Variants in LRP1 observed in about 807,000 individuals in gnomAD.
LRP1 encodes the protein prolow-density lipoprotein receptor-related protein 1.
In LRP1, 51 loss-of-function variants were observed where a neutral mutation model predicts 541.5. The observed-to-expected ratio is 0.09, with a 90% CI of 0.08 to 0.12. The LOEUF (loss-of-function observed/expected upper bound fraction) is 0.12. Among genes scored for constraint, LRP1 ranks in the 10% least tolerant of loss-of-function variants. The pLI is 1.00. For synonymous variants in LRP1, 2,219 were observed against 2,470.8 expected, an observed-to-expected ratio of 0.90 and a Z score of 3.02; for missense variants, 3,878 against 6,376.2, an observed-to-expected ratio of 0.61 and a Z score of 13.34.
rs34010163 is a variant in LRP1, at chr12:57,177,947, C to CTTTT, written c.4361+372_4361+375dup. Reference sequence around the variant, plus strand: ...CCCAGGGAGGGTGCCTTTTTCTTTTCTTTTTTTTTTTTTTTTTTTGAGACA... The same window carrying CTTTT: ...CCCAGGGAGGGTGCCTTTTTCTTTTCTTTTTTTTTTTTTTTTTTTTTTTGAGACA... On this transcript the variant is annotated intron_variant, in intron 26 of 88. Coordinates refer to ENST00000243077, the MANE Select transcript of LRP1 (RefSeq NM_002332.3). This position sits in a 1 kb window ranked among gnomAD's most constrained non-coding sequence, Gnocchi z 6.8. Among the ~76,000 whole-genome samples the CTTTT allele has an allele frequency of 8.2e-5, 10 of 121,368 alleles. No individual in the cohort carries two copies. Among genetic ancestry groups the CTTTT allele is most frequent in the East Asian group, 2.4e-4 (1 of 4,214 alleles). 79.6% of individuals were successfully genotyped at this position (121,368 alleles called of 152,430 possible).
At position 57,212,153 on chromosome 12, in the gene LRP1, G is replaced by A; in HGVS notation, c.13386G>A (p.Gly4462=). The A allele has an allele frequency of 6.2e-7, 1 of 1,614,012 alleles. No individual in the cohort carries two copies. Among genetic ancestry groups the A allele is most frequent in the Non-Finnish European group, 8.5e-7 (1 of 1,180,012 alleles). Residue 4462 remains glycine (G), a synonymous_variant, in exon 88 of 89, where the codon GGG becomes GGA. Coordinates refer to ENST00000243077, the MANE Select transcript of LRP1 (RefSeq NM_002332.3). The surrounding 1 kb of genome is among the most constrained non-coding windows in gnomAD (Gnocchi z 5.0). The part of the protein sequence containing the change: ...KGFQHQRMTN[G]AMNVEIGNPT... Reference sequence around the variant, plus strand: ...TCCAGCACCAACGGATGACCAACGGGGCCATGAACGTGGAGATTGGAAACC... The same window carrying A: ...TCCAGCACCAACGGATGACCAACGGAGCCATGAACGTGGAGATTGGAAACC...
intron 1 of LRP1, among the ~76,000 whole-genome samples, chr12:57,134,828 C>T: frequency 6.6e-6 from 1 of 152,198 alleles, no homozygotes; most frequent in East Asian, 1.9e-4. Flanking sequence ...GCCTCAGCCT[C>T]CTGAGTAGCT....
chr12:57,137,452 A>G (rs1325083377), intron 1 of LRP1, among the ~76,000 whole-genome samples: 1 of 152,010 alleles, frequency 6.6e-6, no homozygotes, highest in Non-Finnish European at 1.5e-5. Flanking sequence ...CTGCTCCCCA[A>G]TTCTGATATC....
At chr12:57,193,064 A>C in intron 45 of LRP1, 94 bp downstream of exon 45, 1 of 1,586,750 alleles carries the variant, frequency 6.3e-7, no homozygotes, top group Non-Finnish European at 8.6e-7. Context: ...CAGCCCCCCA[A>C]AGCCTTTTGC....
intron 16 of LRP1, 52 bp from the exon 17 acceptor site, chr12:57,166,032 G>A: frequency 6.2e-7 from 1 of 1,613,380 alleles, no homozygotes; most frequent in African/African-American, 1.3e-5. Context: ...GAGCGGGCAG[G>A]AAGCTGGGGG....
In LRP1 at chr12:57,179,270, G is replaced by A. The variant is rs192448791; in HGVS notation, c.4739-59G>A. On this transcript the variant is annotated intron_variant, in intron 28 of 88. Transcript: ENST00000243077. The surrounding 1 kb of genome is among the most constrained non-coding windows in gnomAD (Gnocchi z 6.8). ...CCAGAAGAAGGCAGGGCCTGAAACC[G>A]GATTGGTGGGAAGCACAGAGGCAGG... The A allele has an allele frequency of 7.0e-5, 98 of 1,390,828 alleles. No individual in the cohort carries two copies. Among genetic ancestry groups the A allele is most frequent in the East Asian group, 2.8e-4 (12 of 42,338 alleles). 86.2% of individuals were successfully genotyped at this position (1,390,828 alleles called of 1,614,324 possible).
chr12:57,144,786 T>C, intron 4 of LRP1, 186 bp from the exon 5 acceptor site: 1 of 628,974 alleles, frequency 1.6e-6, no homozygotes, highest in South Asian at 1.8e-5. Flanking sequence ...AGTGTTTCTC[T>C]AGAGTGGATT....
chr12:57,179,988 G>A lies in LRP1; in HGVS notation c.5141+32G>A. 2 of 1,613,932 alleles carry A rather than the reference G, an allele frequency of 1.2e-6. No homozygotes were observed. Among genetic ancestry groups the A allele is most frequent in the Non-Finnish European group, 1.7e-6 (2 of 1,179,924 alleles). On this transcript the variant is annotated intron_variant, in intron 30 of 88. Transcript: ENST00000243077. The surrounding 1 kb of genome is among the most constrained non-coding windows in gnomAD (Gnocchi z 6.8). ...CTAGGGCCCAGGGCCGGGGAGCATG[G>A]GGTGTGGGGCTGGGAAGAAGAGGAC...
chr12:57,143,680 G>T lies in LRP1; in HGVS notation c.330G>T (p.Glu110Asp). Reference protein sequence around the residue: ...DGSDEGPHCRELQGNCSRLGC... With the variant: ...DGSDEGPHCRDLQGNCSRLGC... ...TGTGTCTCTCCTGCCCCCACACAGA[G>T]CTCCAAGGCAACTGCTCTCGCCTGG... Residue 110 changes from glutamate to aspartate, a missense_variant and splice_region_variant, in exon 4 of 89, where the codon GAG (glutamate) becomes GAT (aspartate). Transcript: ENST00000243077. 6.2e-7 allele frequency: 1 copy of T among 1,613,262 alleles called. No individual in the cohort carries two copies. Among genetic ancestry groups the T allele is most frequent in the South Asian group, 1.1e-5 (1 of 91,006 alleles).
rs1400042355 is a variant in LRP1, at chr12:57,165,639, T to A, written c.2531-166T>A. Reference sequence around the variant, plus strand: ...TCACTATTGTTGCTTGGGAAAGAATTGCAGTTTCCATCCAGATAATTTGTT... The same window carrying A: ...TCACTATTGTTGCTTGGGAAAGAATAGCAGTTTCCATCCAGATAATTTGTT... On this transcript the variant is annotated intron_variant, in intron 15 of 88. Transcript: ENST00000243077. This position sits in a 1 kb window ranked among gnomAD's most constrained non-coding sequence, Gnocchi z 4.5. 1 of 643,314 alleles carries A rather than the reference T, an allele frequency of 1.6e-6. No homozygotes were observed. The highest frequency in any genetic ancestry group is 2.7e-6 in the Non-Finnish European group (1 of 376,398). 39.9% of individuals were successfully genotyped at this position (643,314 alleles called of 1,614,324 possible).
At chr12:57,193,350 A>G (rs1264975743) in intron 46 of LRP1, 46 bp downstream of exon 46, 2 of 1,601,082 alleles carry the variant, frequency 1.2e-6, no homozygotes, top group Admixed American at 3.3e-5. Context: ...CCCAGAGCCC[A>G]GGTCCTCCTC....
chr12:57,171,575 A>T (rs2035944440), intron 20 of LRP1, among the ~76,000 whole-genome samples: 1 of 152,068 alleles, frequency 6.6e-6, no homozygotes, highest in Non-Finnish European at 1.5e-5. Flanking sequence ...GGCACTGGGA[A>T]CCTTTGAAGG....
At chr12:57,186,820 C>G (rs1164389606) in intron 41 of LRP1, among the ~76,000 whole-genome samples, 1 of 152,238 alleles carries the variant, frequency 6.6e-6, no homozygotes, top group Non-Finnish European at 1.5e-5. Flanking sequence ...CACTGCTGTT[C>G]GGCTGTGTCT....
rs1390774273 is a variant in LRP1 at position 57,212,597 on chromosome 12, C to G, written c.*42C>G. ...ACTGCCCCCAGAAAGCCTCCTGCCC[C>G]CTGCCAGTGAAGTCCTTCAGTGAGC... On this transcript the variant is annotated 3_prime_UTR_variant, in exon 89 of 89. Coordinates refer to ENST00000243077, the MANE Select transcript of LRP1 (RefSeq NM_002332.3). This position sits in a 1 kb window ranked among gnomAD's most constrained non-coding sequence, Gnocchi z 5.0. 9.7e-6 allele frequency: 15 copies of G among 1,539,010 alleles called. No individual in the cohort carries two copies. Among genetic ancestry groups the G allele is most frequent in the Non-Finnish European group, 1.3e-5 (15 of 1,143,068 alleles).
intron 11 of LRP1, among the ~76,000 whole-genome samples, chr12:57,159,151 T>C (rs1251419623): frequency 6.6e-6 from 1 of 152,248 alleles, no homozygotes; most frequent in African/African-American, 2.4e-5. Context: ...TTAATGTCTA[T>C]GTGAAGGATT....
At chr12:57,191,243 A>G in intron 43 of LRP1, 77 bp from the exon 44 acceptor site, 1 of 1,416,822 alleles carries the variant, frequency 7.1e-7, no homozygotes, top group Non-Finnish European at 9.6e-7. Flanking sequence ...GTCAGAGGCC[A>G]GGCCAGGCTG....
Position 57,208,236 on chromosome 12 carries a change from G to A in LRP1, c.12038+20G>A, listed in dbSNP as rs2036829444. The A allele has an allele frequency of 6.2e-7, 1 of 1,607,844 alleles. No individual in the cohort carries two copies. Among genetic ancestry groups the A allele is most frequent in the Middle Eastern group, 1.7e-4 (1 of 5,824 alleles). On this transcript the variant is annotated intron_variant, in intron 77 of 88. Coordinates refer to ENST00000243077, the MANE Select transcript of LRP1 (RefSeq NM_002332.3). ...GAGGGGGTGGGCAAGGGCCCTGGGG[G>A]GAGGCCTCTGGGCTGGTGGTAGGAA...
rs769166427 is a variant in LRP1, at chr12:57,196,145, G to A, written c.8760G>A (p.Glu2920=). The change falls in exon 55 of 89, where the codon GAG becomes GAA. Residue 2920 remains glutamate, a synonymous_variant. Transcript: ENST00000243077. ...GCAGCAGTGGGCGCTGTGTGGCTGAGGCACTGCTCTGCAACGGCCAGGATG... is the reference window on the plus strand; with the variant it reads ...GCAGCAGTGGGCGCTGTGTGGCTGAAGCACTGCTCTGCAACGGCCAGGATG... The part of the protein sequence containing the change: ...FLCSSGRCVA[E]ALLCNGQDDC... The A allele has an allele frequency of 1.9e-6, 3 of 1,611,436 alleles. No individual in the cohort carries two copies. The South Asian group carries it at 3.3e-5, about 18-fold the overall frequency.
chr12:57,182,253 G>A lies in LRP1; in HGVS notation c.5662+962G>A, dbSNP rs575570349. ...GGGCCAGGCGCAGTGGCTCAAGCCT[G>A]TAATCCCAGCACTTTGGGAGGCTGA... On this transcript the variant is annotated intron_variant, in intron 34 of 88. Coordinates refer to ENST00000243077, the MANE Select transcript of LRP1 (RefSeq NM_002332.3). 2.4e-4 allele frequency among the ~76,000 whole-genome samples: 36 copies of A among 152,320 alleles called. No individual in the cohort carries two copies. In the South Asian group the frequency reaches 6.8e-3, roughly 29 times the overall value.
Sources: allele counts gnomAD v4.1 joint callset (sites outside exome capture counted in the v4.1 genomes callset), GRCh38; gene constraint gnomAD v4.1.1; non-coding constraint Gnocchi (gnomAD v3.1); transcripts MANE v1.5; gene names NCBI Gene and HGNC (gene_info 2026-07-23, HGNC 2026-07-21).